DNM3: variants seen among roughly 807,000 people sequenced by gnomAD.
The protein encoded by DNM3 is dynamin 3, also known as dynamin-3.
DNM3 carries 47 observed loss-of-function variants against 101.6 expected under a neutral mutation model. The ratio of observed to expected loss-of-function variants is 0.46; its 90% CI spans 0.37 to 0.59. The LOEUF is 0.59. Among genes scored for constraint, DNM3 ranks in the 20% least tolerant of loss-of-function variants. The probability of loss-of-function intolerance (pLI) is 0.00; values close to 1 mark genes in which losing one functional copy is unlikely to be tolerated. For synonymous variants in DNM3, 385 were observed against 387.9 expected, an observed-to-expected ratio of 0.99 and a Z score of 0.09; for missense variants, 849 against 1,085.7, an observed-to-expected ratio of 0.78 and a Z score of 3.06.
chr1:172,379,406 G>A (rs1573665844), intron 18 of DNM3, among the ~76,000 whole-genome samples: 2 of 151,974 alleles, frequency 1.3e-5, no homozygotes, highest in Non-Finnish European at 2.9e-5. Context: ...CCCATTGGCT[G>A]TCTTCTAGAA....
At chr1:172,318,954 A>G (rs1463952339) in intron 16 of DNM3, among the ~76,000 whole-genome samples, 1 of 152,120 alleles carries the variant, frequency 6.6e-6, no homozygotes. Context: ...AAAAGAACAA[A>G]GCTGGAGGCA....
chr1:172,369,297 C>T (rs2068195415), intron 17 of DNM3, among the ~76,000 whole-genome samples: 1 of 151,864 alleles, frequency 6.6e-6, no homozygotes. Context: ...GGATTTATCT[C>T]AAGGATGCAA....
At chr1:172,132,300 G>A (rs187814190) in intron 14 of DNM3, among the ~76,000 whole-genome samples, 82 of 152,284 alleles carry the variant, frequency 5.4e-4, no homozygotes, top group Non-Finnish European at 9.3e-4. Flanking sequence ...AGATCTGTGT[G>A]TAATAGTGTG....
chr1:172,019,457 T>G (rs2047680738), intron 4 of DNM3, among the ~76,000 whole-genome samples: 1 of 151,918 alleles, frequency 6.6e-6, no homozygotes, highest in South Asian at 2.1e-4. Flanking sequence ...TGCCTAGTTA[T>G]AGCTTTTGGG....
chr1:171,929,888 C>T (rs2040865548), intron 2 of DNM3, among the ~76,000 whole-genome samples: 1 of 152,188 alleles, frequency 6.6e-6, no homozygotes, highest in Non-Finnish European at 1.5e-5. Flanking sequence ...GCTTTTCCCC[C>T]CAGTTGGCTT....
Position 172,381,163 on chromosome 1 carries a change from T to C in DNM3, c.2058+1981T>C, listed in dbSNP as rs944526300. Reference sequence around the variant, plus strand: ...TCACTGGTGTGTTTTCTTGTTTTAATGAAATGGCTAAACCTCCACCTACAG... The same window carrying C: ...TCACTGGTGTGTTTTCTTGTTTTAACGAAATGGCTAAACCTCCACCTACAG... On this transcript the variant is annotated intron_variant, in intron 18 of 20. Transcript: ENST00000627582. Among the ~76,000 whole-genome samples the C allele has an allele frequency of 7.2e-5, 11 of 151,964 alleles. No homozygotes were observed. In the East Asian group the frequency reaches 2.1e-3, roughly 29 times the overall value.
At chr1:172,068,042 G>A (rs2051837912) in intron 10 of DNM3, among the ~76,000 whole-genome samples, 1 of 152,042 alleles carries the variant, frequency 6.6e-6, no homozygotes, top group Admixed American at 6.6e-5. Flanking sequence ...TATTAAATGG[G>A]GTTGGCCGGG....
intron 15 of DNM3, among the ~76,000 whole-genome samples, chr1:172,263,016 A>G (rs563227910): frequency 1.3e-5 from 2 of 152,238 alleles, no homozygotes; most frequent in East Asian, 3.9e-4. Context: ...TTTATTTTGG[A>G]GCTTTGGCAT....
chr1:172,173,753 G>A (rs1466808652), intron 14 of DNM3, among the ~76,000 whole-genome samples: 2 of 151,688 alleles, frequency 1.3e-5, no homozygotes, highest in Non-Finnish European at 3.0e-5. Flanking sequence ...TAATAGTTGA[G>A]ATAATTCTTA....
intron 14 of DNM3, among the ~76,000 whole-genome samples, chr1:172,195,715 T>A (rs1299351646): frequency 6.6e-6 from 1 of 151,980 alleles, no homozygotes; most frequent in Non-Finnish European, 1.5e-5. Flanking sequence ...ATGTGAAGGA[T>A]TCAATTAATT....
intron 14 of DNM3, chr1:172,133,322 G>A (rs1558621039): frequency 9.9e-7 from 1 of 1,009,950 alleles, no homozygotes; most frequent in Non-Finnish European, 1.2e-6. Flanking sequence ...CAAAATCACT[G>A]CCCTTGTAGC....
chr1:171,858,437 A>G (rs2033833966), intron 1 of DNM3, among the ~76,000 whole-genome samples: 3 of 152,076 alleles, frequency 2.0e-5, no homozygotes, highest in Admixed American at 2.0e-4. Context: ...TTCCTACCCG[A>G]TAACCATCAC....
chr1:172,290,399 G>C (rs551304002), intron 15 of DNM3, among the ~76,000 whole-genome samples: 1 of 152,112 alleles, frequency 6.6e-6, no homozygotes, highest in East Asian at 1.9e-4. Flanking sequence ...AAGGATTGGC[G>C]CCTGCAAAAT....
At chr1:172,281,883 A>G (rs1341418280) in intron 15 of DNM3, among the ~76,000 whole-genome samples, 1 of 152,230 alleles carries the variant, frequency 6.6e-6, no homozygotes, top group Non-Finnish European at 1.5e-5. Context: ...GTATCAAAAT[A>G]TCACAGTACC....
At chr1:172,346,350 A>G (rs541232636) in intron 17 of DNM3, among the ~76,000 whole-genome samples, 1 of 152,296 alleles carries the variant, frequency 6.6e-6, no homozygotes, top group South Asian at 2.1e-4. Context: ...GTGCATGTGA[A>G]GGTGTACAGT....
At chr1:172,209,943 A>T (rs1041383585) in intron 14 of DNM3, among the ~76,000 whole-genome samples, 1 of 152,144 alleles carries the variant, frequency 6.6e-6, no homozygotes, top group African/African-American at 2.4e-5. Context: ...TATTGTTTTG[A>T]TGCTTTTCCA....
At chr1:172,341,634 G>A (rs991528810) in intron 17 of DNM3, among the ~76,000 whole-genome samples, 1 of 152,122 alleles carries the variant, frequency 6.6e-6, no homozygotes, top group Admixed American at 6.6e-5. Flanking sequence ...ATTGGGGAAA[G>A]GACTCCCTAT....
intron 14 of DNM3, among the ~76,000 whole-genome samples, chr1:172,163,535 G>A (rs2058629314): frequency 6.6e-6 from 1 of 151,988 alleles, no homozygotes; most frequent in Non-Finnish European, 1.5e-5. Context: ...ACTGTGCCTG[G>A]CCAATATTCT....
intron 1 of DNM3, among the ~76,000 whole-genome samples, chr1:171,850,470 A>G (rs10798705): frequency 0.75 from 113,676 of 152,062 alleles, 43,181 homozygotes; most frequent in African/African-American, 0.9. Flanking sequence ...TAATAAAACT[A>G]AGACCCATTC....
Sources: allele counts gnomAD v4.1 joint callset (sites outside exome capture counted in the v4.1 genomes callset), GRCh38; gene constraint gnomAD v4.1.1; transcripts MANE v1.5; gene names NCBI Gene and HGNC (gene_info 2026-07-23, HGNC 2026-07-21).